Variants in TACR3 observed in about 807,000 individuals in gnomAD.
TACR3 encodes neuromedin-K receptor.
In TACR3, 34 loss-of-function variants were observed where a neutral mutation model predicts 35.0. That is an observed-to-expected ratio of 0.97 (90% CI 0.74 to 1.30). TACR3 has a LOEUF of 1.30. TACR3 is among the 50% of genes most tolerant of loss of function. The pLI, the probability that TACR3 is intolerant of heterozygous loss-of-function variation, is 0.00. For synonymous variants in TACR3, 233 were observed against 221.1 expected (o/e 1.05, Z -0.48); for missense variants, 558 against 591.7 (o/e 0.94, Z 0.59).
chr4:103,697,224 T>C (rs1346252346), intron 1 of TACR3, among the ~76,000 whole-genome samples: 2 of 152,180 alleles, frequency 1.3e-5, no homozygotes, highest in South Asian at 4.1e-4. Context: ...AGGAATGTGA[T>C]TGCTCATTGA....
At chr4:103,674,939 T>A (rs891341287) in intron 1 of TACR3, among the ~76,000 whole-genome samples, 2 of 152,234 alleles carry the variant, frequency 1.3e-5, no homozygotes, top group African/African-American at 4.8e-5. Flanking sequence ...TGAAAATAGA[T>A]GTAAATTATT....
chr4:103,672,203 C>G (rs1445153093), intron 1 of TACR3, among the ~76,000 whole-genome samples: 1 of 152,102 alleles, frequency 6.6e-6, no homozygotes, highest in African/African-American at 2.4e-5. Flanking sequence ...GCAGTTACTT[C>G]CTTCACTGAA....
rs760169891 is a variant in TACR3, at chr4:103,586,739, A to G, written c.*2943T>C. 1.3e-5 allele frequency: 2 copies of G among 151,524 alleles called. No homozygotes were observed. The highest frequency in any genetic ancestry group is 2.9e-5 in the Non-Finnish European group (2 of 68,020). 9.4% of individuals were successfully genotyped at this position (151,524 alleles called of 1,614,324 possible). On this transcript the variant is annotated 3_prime_UTR_variant, in exon 5 of 5. Transcript: ENST00000304883. Reference sequence around the variant, plus strand: ...AAGTTAGAAGATGGAATAATGCAACAGTGTGCTGTACTTGGTAAAAAATAA... The same window carrying G: ...AAGTTAGAAGATGGAATAATGCAACGGTGTGCTGTACTTGGTAAAAAATAA...
intron 1 of TACR3, among the ~76,000 whole-genome samples, chr4:103,683,039 G>T (rs1578255778): frequency 6.6e-6 from 1 of 152,078 alleles, no homozygotes; most frequent in East Asian, 1.9e-4. Flanking sequence ...TCAATGGGAG[G>T]CTAATATAAA....
chr4:103,694,140 T>G (rs987323213), intron 1 of TACR3, among the ~76,000 whole-genome samples: 1 of 152,142 alleles, frequency 6.6e-6, no homozygotes, highest in African/African-American at 2.4e-5. Context: ...TTTTCCCTCC[T>G]TAGTCTTAAA....
At chr4:103,681,888 A>T (rs890877889) in intron 1 of TACR3, among the ~76,000 whole-genome samples, 9 of 152,176 alleles carry the variant, frequency 5.9e-5, no homozygotes, top group Non-Finnish European at 1.2e-4. Context: ...AGTGCAAAAA[A>T]TTAAAACAAA....
chr4:103,634,367 G>T (rs1725133921), intron 3 of TACR3, among the ~76,000 whole-genome samples: 1 of 152,058 alleles, frequency 6.6e-6, no homozygotes, highest in African/African-American at 2.4e-5. Flanking sequence ...CCAGGAGGTT[G>T]GGGGAATGAG....
At chr4:103,713,357 C>T (rs747213234) in intron 1 of TACR3, among the ~76,000 whole-genome samples, 3 of 151,248 alleles carry the variant, frequency 2.0e-5, no homozygotes, top group Non-Finnish European at 4.4e-5. Flanking sequence ...TCATTCTCAG[C>T]GAACTATTGC....
At chr4:103,684,901 T>G (rs1265792489) in intron 1 of TACR3, among the ~76,000 whole-genome samples, 1 of 151,754 alleles carries the variant, frequency 6.6e-6, no homozygotes, top group African/African-American at 2.4e-5. Context: ...GGAGAATTGC[T>G]TGAACCTGGG....
Position 103,609,919 on chromosome 4 carries a change from AG to A in TACR3, c.889-18237del, listed in dbSNP as rs368536374. ...TGGTTGGCTTAACATAATGTCCTCT[AG>A]GTTCATGGAAACTGTTACAAATCAT... On this transcript the variant is annotated intron_variant, in intron 3 of 4. Coordinates refer to ENST00000304883, the MANE Select transcript of TACR3 (RefSeq NM_001059.3). Among the ~76,000 whole-genome samples, 771 of 152,162 alleles carry A rather than the reference AG, an allele frequency of 5.1e-3. 11 individuals are homozygous for A. Among genetic ancestry groups the A allele is most frequent in the African/African-American group, 0.017 (713 of 41,546 alleles).
chr4:103,692,037 T>C (rs1021447253), intron 1 of TACR3, among the ~76,000 whole-genome samples: 1 of 152,142 alleles, frequency 6.6e-6, no homozygotes, highest in African/African-American at 2.4e-5. Context: ...TGTCTTTAAT[T>C]CCTCTAGGAA....
At chr4:103,680,017 A>C (rs1160097250) in intron 1 of TACR3, among the ~76,000 whole-genome samples, 6 of 151,878 alleles carry the variant, frequency 4.0e-5, no homozygotes, top group Non-Finnish European at 8.8e-5. Context: ...GTTTCTTTAT[A>C]GTACTCTTAA....
intron 3 of TACR3, among the ~76,000 whole-genome samples, chr4:103,592,895 G>A (rs1723925359): frequency 6.6e-6 from 1 of 152,126 alleles, no homozygotes; most frequent in Non-Finnish European, 1.5e-5. Context: ...TTCCCTAAGG[G>A]CCAAATCACT....
At chr4:103,631,483 A>G (rs1036601398) in intron 3 of TACR3, among the ~76,000 whole-genome samples, 3 of 152,096 alleles carry the variant, frequency 2.0e-5, no homozygotes, top group African/African-American at 7.2e-5. Context: ...ATATTTAGTG[A>G]GCTATGGAAA....
chr4:103,626,502 G>A (rs1005702109), intron 3 of TACR3, among the ~76,000 whole-genome samples: 5 of 152,134 alleles, frequency 3.3e-5, no homozygotes, highest in African/African-American at 4.8e-5. Flanking sequence ...AGAATGGGAG[G>A]CTTGCAGGAA....
intron 1 of TACR3, among the ~76,000 whole-genome samples, chr4:103,699,472 T>C (rs771878355): frequency 2.6e-5 from 4 of 152,162 alleles, no homozygotes; most frequent in African/African-American, 4.8e-5. Context: ...TAAGGAGCCA[T>C]TGAATGATTT....
rs986150540 is a variant in TACR3, at chr4:103,586,545, C to T, written c.*3137G>A. ...TGAGCTGGCCAGCATTTATTTTTCACATTTATTTTGTATTTCATAGGCTTG... is the reference window on the plus strand; with the variant it reads ...TGAGCTGGCCAGCATTTATTTTTCATATTTATTTTGTATTTCATAGGCTTG... On this transcript the variant is annotated 3_prime_UTR_variant, in exon 5 of 5. Coordinates refer to ENST00000304883, the MANE Select transcript of TACR3 (RefSeq NM_001059.3). 1 of 152,010 alleles carries T rather than the reference C, an allele frequency of 6.6e-6. No individual in the cohort carries two copies. The highest frequency in any genetic ancestry group is 1.5e-5 in the Non-Finnish European group (1 of 67,994). The allele number at this position is 152,010 out of a possible 1,614,324, so 9.4% of individuals were successfully genotyped here. A position where few individuals can be genotyped will look rare whatever the true frequency, so the allele number is the denominator to read the frequency against.
chr4:103,629,303 G>A (rs925708972), intron 3 of TACR3, among the ~76,000 whole-genome samples: 2 of 152,052 alleles, frequency 1.3e-5, no homozygotes, highest in African/African-American at 2.4e-5. Context: ...AATCAGGCAG[G>A]AGAAAGAAAT....
intron 3 of TACR3, 24 bp downstream of exon 3, chr4:103,656,170 T>C: frequency 6.2e-7 from 1 of 1,612,246 alleles, no homozygotes; most frequent in Non-Finnish European, 8.5e-7. Context: ...ATACAAATGC[T>C]AGGTAAACAA....
Sources: gnomAD v4.1 joint callset for allele counts (sites outside exome capture counted in the v4.1 genomes callset) on GRCh38, gnomAD v4.1.1 for gene constraint, MANE v1.5 for transcripts, NCBI Gene and HGNC (gene_info 2026-07-23, HGNC 2026-07-21) for gene names.